PCDHA6: variants seen among roughly 807,000 people sequenced by gnomAD.
The protein encoded by PCDHA6 is protocadherin alpha-6.
Under a neutral mutation model 60.3 loss-of-function variants are expected in PCDHA6, and 55 were observed. That is an observed-to-expected ratio of 0.91 (90% CI 0.73 to 1.14). The LOEUF is 1.14. Among genes scored for constraint, PCDHA6 ranks in the 50% most tolerant of loss-of-function variants. PCDHA6 has a pLI of 0.00. For synonymous variants in PCDHA6, 652 were observed against 557.9 expected, an observed-to-expected ratio of 1.17 and a Z score of -2.38; for missense variants, 1,327 against 1,256.5, an observed-to-expected ratio of 1.06 and a Z score of -0.85.
chr5:140,931,907 G>A (rs573618162), intron 1 of PCDHA6, among the ~76,000 whole-genome samples: 107 of 151,900 alleles, frequency 7.0e-4, no homozygotes, highest in Middle Eastern at 3.5e-3. Context: ...CATTTGAAAA[G>A]CATGACATTT....
intron 1 of PCDHA6, chr5:140,836,035 T>C (rs1214967185): frequency 1.2e-6 from 2 of 1,613,438 alleles, no homozygotes; most frequent in Non-Finnish European, 8.5e-7. Context: ...AACGTGACGC[T>C]GCAGGTGTTC....
At position 140,899,912 on chromosome 5, in the gene PCDHA6, A is replaced by G. The variant is rs574794282; in HGVS notation, c.2394+69427A>G. The stretch of plus-strand genomic sequence containing the variant: ...AGCCTTGACATCCTGGGCTCAAGCA[A>G]TCCTCCTGCCTCAGCCTCCTGAATA... On this transcript the variant is annotated intron_variant, in intron 1 of 3. Transcript: ENST00000529310. Among the ~76,000 whole-genome samples the G allele has an allele frequency of 2.0e-5, 3 of 152,154 alleles. No homozygotes were observed. In the East Asian group the frequency reaches 5.8e-4, roughly 29 times the overall value.
At chr5:140,838,077 AGTGTG>A (rs1171079264) in intron 1 of PCDHA6, among the ~76,000 whole-genome samples, 34 of 80,696 alleles carry the variant, frequency 4.2e-4, no homozygotes, top group African/African-American at 1.3e-3. Context: ...ATATATATAT[AGTGTG>A]TGTGTGTGTG....
chr5:140,870,388 G>T, intron 1 of PCDHA6: 1 of 1,614,232 alleles, frequency 6.2e-7, no homozygotes. Context: ...TGCGCGGGAT[G>T]GGGGTTCGCC....
At position 140,849,867 on chromosome 5, in the gene PCDHA6, T is replaced by C. The variant is rs2150454998; in HGVS notation, c.2394+19382T>C. On this transcript the variant is annotated intron_variant, in intron 1 of 3. Coordinates refer to ENST00000529310, the MANE Select transcript of PCDHA6 (RefSeq NM_018909.4). ...CGACAACGCACCAGCGTTCGCGCAG[T>C]CCGAGTACACGGTGTTCGTGAAGGA... The C allele has an allele frequency of 6.1e-5, 97 of 1,598,416 alleles. 5 individuals carry two copies. Among genetic ancestry groups the C allele is most frequent in the Non-Finnish European group, 6.9e-5 (81 of 1,167,974 alleles).
At chr5:140,923,468 G>T (rs2081380588) in intron 1 of PCDHA6, among the ~76,000 whole-genome samples, 1 of 152,098 alleles carries the variant, frequency 6.6e-6, no homozygotes, top group African/African-American at 2.4e-5. Flanking sequence ...GGTAGGGGCT[G>T]CAGTGAGCCA....
At chr5:140,931,817 C>A (rs2087768963) in intron 1 of PCDHA6, among the ~76,000 whole-genome samples, 1 of 151,876 alleles carries the variant, frequency 6.6e-6, no homozygotes, top group Non-Finnish European at 1.5e-5. Context: ...GAAAAGAATT[C>A]TTGTCATAGT....
intron 3 of PCDHA6, among the ~76,000 whole-genome samples, chr5:140,984,149 G>C (rs2097089041): frequency 6.6e-6 from 1 of 152,198 alleles, no homozygotes; most frequent in Non-Finnish European, 1.5e-5. Context: ...CATCTGGGAA[G>C]GTGAGAACTT....
At chr5:140,999,755 A>G (rs932293037) in intron 3 of PCDHA6, among the ~76,000 whole-genome samples, 1 of 152,168 alleles carries the variant, frequency 6.6e-6, no homozygotes, top group South Asian at 2.1e-4. Context: ...TTCGCAGCAC[A>G]TGATGTCTTT....
At chr5:140,951,544 G>C (rs543008494) in intron 1 of PCDHA6, among the ~76,000 whole-genome samples, 1 of 151,878 alleles carries the variant, frequency 6.6e-6, no homozygotes, top group African/African-American at 2.4e-5. Context: ...AGCAAGGGAC[G>C]GGGGGAAGTG....
chr5:140,932,500 T>C (rs2088368568), intron 1 of PCDHA6, among the ~76,000 whole-genome samples: 3 of 151,914 alleles, frequency 2.0e-5, no homozygotes, highest in Non-Finnish European at 4.4e-5. Context: ...ATGTCATTTG[T>C]TAACAGTAGT....
chr5:140,978,217 A>G (rs1554239114), intron 1 of PCDHA6, among the ~76,000 whole-genome samples: 2 of 152,222 alleles, frequency 1.3e-5, no homozygotes, highest in East Asian at 1.9e-4. Flanking sequence ...TGCAAAATGT[A>G]TCAGGTTTTT....
intron 1 of PCDHA6, among the ~76,000 whole-genome samples, chr5:140,952,271 G>A (rs561917046): frequency 6.6e-6 from 1 of 151,646 alleles, no homozygotes; most frequent in East Asian, 2.0e-4. Flanking sequence ...CTGGGGTCTT[G>A]AGGGTGGTGG....
chr5:140,977,232 A>G (rs2096751038), intron 1 of PCDHA6, among the ~76,000 whole-genome samples: 1 of 152,368 alleles, frequency 6.6e-6, no homozygotes, highest in East Asian at 1.9e-4. Flanking sequence ...ACCCAATCAT[A>G]GAAAAATTGG....
At chr5:140,841,592 G>C (rs2150318717) in intron 1 of PCDHA6, 1 of 1,614,096 alleles carries the variant, frequency 6.2e-7, no homozygotes, top group African/African-American at 1.3e-5. Context: ...TTCTCGGATC[G>C]ACCGCGAGGA....
At chr5:140,900,032 A>G (rs1439772684) in intron 1 of PCDHA6, among the ~76,000 whole-genome samples, 1 of 151,930 alleles carries the variant, frequency 6.6e-6, no homozygotes, top group Non-Finnish European at 1.5e-5. Context: ...TTGGCCTTGA[A>G]TTCCTGGGCT....
chr5:140,860,307 G>A (rs181918299), intron 1 of PCDHA6: 3 of 152,082 alleles, frequency 2.0e-5, no homozygotes, highest in Admixed American at 2.0e-4. Flanking sequence ...CTTGAGCCTG[G>A]GAAGTTGAGG....
intron 1 of PCDHA6, chr5:140,928,695 C>T (rs782305388): frequency 9.3e-6 from 15 of 1,614,058 alleles, no homozygotes; most frequent in Non-Finnish European, 1.3e-5. Context: ...ACCACATCTC[C>T]CGGGCGTCTG....
At chr5:140,882,070 C>A in intron 1 of PCDHA6, 1 of 854,286 alleles carries the variant, frequency 1.2e-6, no homozygotes, top group Non-Finnish European at 1.8e-6. Context: ...CGTTCATGCG[C>A]ATGGTGTCGC....
Sources: allele counts gnomAD v4.1 joint callset (sites outside exome capture counted in the v4.1 genomes callset), GRCh38; gene constraint gnomAD v4.1.1; transcripts MANE v1.5; gene names NCBI Gene and HGNC (gene_info 2026-07-23, HGNC 2026-07-21).